SPACA1: variants seen among roughly 807,000 people sequenced by gnomAD.
The protein encoded by SPACA1 is sperm acrosome membrane-associated protein 1.
SPACA1 carries 17 observed loss-of-function variants against 32.6 expected under a neutral mutation model. The ratio of observed to expected loss-of-function variants is 0.52; its 90% CI spans 0.36 to 0.78. The LOEUF is 0.78. Among genes scored for constraint, SPACA1 ranks in the 30% least tolerant of loss-of-function variants. The probability of loss-of-function intolerance (pLI) is 0.01; values close to 1 mark genes in which losing one functional copy is unlikely to be tolerated. For synonymous variants in SPACA1, 140 were observed against 138.1 expected (o/e 1.01, Z -0.10); for missense variants, 363 against 373.4 (o/e 0.97, Z 0.23).
chr6:88,054,119 T>C (rs1415081401), intron 2 of SPACA1, 117 bp downstream of exon 2: 1 of 757,228 alleles, frequency 1.3e-6, no homozygotes, highest in Non-Finnish European at 2.2e-6. Context: ...TCATGGATTT[T>C]TATTTCTAAT....
At chr6:88,053,910 A>G (rs769144698) in intron 1 of SPACA1, 36 bp from the exon 2 acceptor site, 25 of 1,582,286 alleles carry the variant, frequency 1.6e-5, no homozygotes, top group Non-Finnish European at 1.8e-5. Flanking sequence ...AAGTTTTCAT[A>G]TAATTAAATA....
intron 6 of SPACA1, 82 bp downstream of exon 6, chr6:88,064,301 T>C (rs1664848937): frequency 1.4e-6 from 2 of 1,387,404 alleles, no homozygotes; most frequent in African/African-American, 2.9e-5. Context: ...TGCAAAGCCC[T>C]GTCCGTGATG....
At chr6:88,064,442 G>T (rs148950902) in intron 6 of SPACA1, 48 of 288,722 alleles carry the variant, frequency 1.7e-4, no homozygotes, top group African/African-American at 9.8e-4. Flanking sequence ...CCAACTATGA[G>T]AGAGCTTTTA....
chr6:88,053,821 A>G (rs1775765146), intron 1 of SPACA1, 125 bp from the exon 2 acceptor site: 2 of 688,854 alleles, frequency 2.9e-6, no homozygotes, highest in Non-Finnish European at 4.8e-6. Context: ...TCTGATTTAA[A>G]TGGAAAACTT....
At position 88,048,065 on chromosome 6, in the gene SPACA1, A is replaced by G; in HGVS notation, c.160A>G (p.Asn54Asp). The change falls in exon 1 of 7, where the codon AAC (asparagine) becomes GAC (aspartate). Residue 54 changes from asparagine to aspartate, a missense_variant. By Grantham distance (23) the Asn-to-Asp change is conservative. Coordinates refer to ENST00000237201, the MANE Select transcript of SPACA1 (RefSeq NM_030960.3). ...EGEGEEETEN[N>D]DSETAENYAP... ...CGAGGGCGAGGAGGAGACCGAAAAC[A>G]ACGACAGCGAGACCGCGGAGAACTA... 6.2e-7 allele frequency: 1 copy of G among 1,603,490 alleles called. No individual in the cohort carries two copies. Among genetic ancestry groups the G allele is most frequent in the Non-Finnish European group, 8.5e-7 (1 of 1,176,428 alleles).
At chr6:88,058,848 G>T (rs200179894) in intron 4 of SPACA1, 26 bp downstream of exon 4, 2 of 1,436,344 alleles carry the variant, frequency 1.4e-6, no homozygotes, top group Admixed American at 3.9e-5. Flanking sequence ...ATATAACCTG[G>T]TGCTTTCTAG....
chr6:88,047,992 G>T lies in SPACA1; in HGVS notation c.87G>T (p.Gly29=). Residue 29 remains glycine, a synonymous_variant, in exon 1 of 7, where the codon GGG becomes GGT. Coordinates refer to ENST00000237201, the MANE Select transcript of SPACA1 (RefSeq NM_030960.3). ...LLLAGLQSAR[G]TNVTAAVQDA... ...TGGCGGGCCTCCAGTCCGCGCGCGG[G>T]ACCAACGTCACCGCTGCCGTCCAGG... is the stretch of plus-strand genomic sequence containing the variant. 6.3e-7 allele frequency: 1 copy of T among 1,577,498 alleles called. No homozygotes were observed. Among genetic ancestry groups the T allele is most frequent in the Non-Finnish European group, 8.6e-7 (1 of 1,163,728 alleles).
intron 5 of SPACA1, among the ~76,000 whole-genome samples, chr6:88,063,606 T>A (rs1775928882): frequency 6.6e-6 from 1 of 152,190 alleles, no homozygotes; most frequent in African/African-American, 2.4e-5. Flanking sequence ...TAATATTCTA[T>A]ATCTTGACTA....
At chr6:88,051,574 G>T (rs1775729075) in intron 1 of SPACA1, among the ~76,000 whole-genome samples, 1 of 152,186 alleles carries the variant, frequency 6.6e-6, no homozygotes. Flanking sequence ...TGTTAGTGTA[G>T]TCTAAGACCC....
intron 2 of SPACA1, 39 bp from the exon 3 acceptor site, chr6:88,057,573 T>C (rs1775827713): frequency 6.8e-7 from 1 of 1,469,412 alleles, no homozygotes. Flanking sequence ...GGAATCAGTT[T>C]TTTTCTTAAC....
chr6:88,059,694 G>C (rs1775864461), intron 5 of SPACA1, 106 bp downstream of exon 5: 1 of 1,144,790 alleles, frequency 8.7e-7, no homozygotes, highest in East Asian at 2.8e-5. Flanking sequence ...TCCCCCCAGA[G>C]TTTCTGATTC....
At position 88,061,432 on chromosome 6, in the gene SPACA1, GCACACA is replaced by G. The variant is rs71554769; in HGVS notation, c.610+1867_610+1872del. Among the ~76,000 whole-genome samples the G allele has an allele frequency of 7.4e-3, 1,107 of 149,696 alleles. 9 individuals are homozygous for G. The highest frequency in any genetic ancestry group is 0.027 in the Middle Eastern group (8 of 292). On this transcript the variant is annotated intron_variant, in intron 5 of 6. Coordinates refer to ENST00000237201, the MANE Select transcript of SPACA1 (RefSeq NM_030960.3). ...GAGGAATATTTGGGCATGCTTGTGC[GCACACA>G]CACACACACACACACACACACAAAC... is the stretch of plus-strand genomic sequence containing the variant.
chr6:88,047,681 G>A, upstream of SPACA1: 1 of 515,558 alleles, frequency 1.9e-6, no homozygotes, highest in East Asian at 3.2e-5. Context: ...TGTCGCACGC[G>A]GCTTCTCGTC....
At chr6:88,048,847 T>G (rs1227952676) in intron 1 of SPACA1, among the ~76,000 whole-genome samples, 1 of 152,236 alleles carries the variant, frequency 6.6e-6, no homozygotes, top group African/African-American at 2.4e-5. Flanking sequence ...TCATATTGAT[T>G]AGTAACTCAC....
chr6:88,061,775 A>G (rs1166153576), intron 5 of SPACA1, among the ~76,000 whole-genome samples: 1 of 152,222 alleles, frequency 6.6e-6, no homozygotes, highest in Non-Finnish European at 1.5e-5. Flanking sequence ...TAGGAAACTA[A>G]TAAGTACATA....
chr6:88,055,150 A>G lies in SPACA1; in HGVS notation c.265+1148A>G, dbSNP rs150653768. Reference sequence around the variant, plus strand: ...TTGTGGTTTACATCTTTGTTTAGCTACTAACTTCGGAAATTTTCACAGGTA... The same window carrying G: ...TTGTGGTTTACATCTTTGTTTAGCTGCTAACTTCGGAAATTTTCACAGGTA... On this transcript the variant is annotated intron_variant, in intron 2 of 6. Transcript: ENST00000237201. Among the ~76,000 whole-genome samples the G allele has an allele frequency of 4.0e-3, 613 of 152,260 alleles. 4 individuals are homozygous for G. Among genetic ancestry groups the G allele is most frequent in the African/African-American group, 0.011 (437 of 41,548 alleles).
At chr6:88,049,476 C>T (rs1324845278) in intron 1 of SPACA1, among the ~76,000 whole-genome samples, 5 of 151,980 alleles carry the variant, frequency 3.3e-5, no homozygotes, top group African/African-American at 7.3e-5. Context: ...TCTTGGGGAG[C>T]GAGAGAATCC....
intron 4 of SPACA1, 84 bp downstream of exon 4, chr6:88,058,906 T>G: frequency 1.1e-6 from 1 of 901,084 alleles, no homozygotes; most frequent in Non-Finnish European, 1.6e-6. Flanking sequence ...CAGAAAACTT[T>G]CTTTTTAAAA....
At chr6:88,058,440 C>T (rs1582272489) in intron 3 of SPACA1, among the ~76,000 whole-genome samples, 2 of 152,168 alleles carry the variant, frequency 1.3e-5, no homozygotes, top group East Asian at 3.9e-4. Flanking sequence ...AGTTTGAGAC[C>T]AGGCTGGGCA....
Sources: gnomAD v4.1 joint callset for allele counts (sites outside exome capture counted in the v4.1 genomes callset) on GRCh38, gnomAD v4.1.1 for gene constraint, MANE v1.5 for transcripts, NCBI Gene and HGNC (gene_info 2026-07-23, HGNC 2026-07-21) for gene names.